MORN5: variants seen among roughly 807,000 people sequenced by gnomAD.
MORN5 encodes the protein MORN repeat-containing protein 5.
MORN5 carries 21 observed loss-of-function variants against 22.1 expected under a neutral mutation model. The observed-to-expected ratio is 0.95, with a 90% CI of 0.67 to 1.37. The LOEUF (loss-of-function observed/expected upper bound fraction) is 1.37. Ranked by LOEUF, MORN5 falls within the 40% of genes most tolerant of loss-of-function variation. The pLI is 0.00. For synonymous variants in MORN5, 73 were observed against 74.0 expected, an observed-to-expected ratio of 0.99 and a Z score of 0.07; for missense variants, 211 against 215.1, an observed-to-expected ratio of 0.98 and a Z score of 0.12.
At chr9:122,175,911 G>A (rs1204935989) in intron 4 of MORN5, among the ~76,000 whole-genome samples, 1 of 152,156 alleles carries the variant, frequency 6.6e-6, no homozygotes, top group African/African-American at 2.4e-5. Flanking sequence ...TCAGGAGATC[G>A]AGACCATCCT....
intron 2 of MORN5, 114 bp downstream of exon 2, chr9:122,167,029 C>A: frequency 2.2e-6 from 2 of 919,656 alleles, no homozygotes; most frequent in Non-Finnish European, 3.1e-6. Flanking sequence ...ATTCACTCTT[C>A]TCTTTGCTTC....
chr9:122,191,349 G>C (rs1829760721), intron 4 of MORN5, among the ~76,000 whole-genome samples: 1 of 152,210 alleles, frequency 6.6e-6, no homozygotes. Context: ...CACACTCGCA[G>C]CTTCACTGAG....
At chr9:122,184,006 G>T (rs1408212723) in intron 4 of MORN5, among the ~76,000 whole-genome samples, 1 of 152,198 alleles carries the variant, frequency 6.6e-6, no homozygotes, top group Non-Finnish European at 1.5e-5. Context: ...GGTCTGAAAA[G>T]TAACCTGGCT....
At chr9:122,177,062 A>AC (rs933999287) in intron 4 of MORN5, among the ~76,000 whole-genome samples, 3 of 152,100 alleles carry the variant, frequency 2.0e-5, no homozygotes, top group African/African-American at 4.8e-5. Context: ...CAACAGAGGG[A>AC]CCCCCCAGGA....
At chr9:122,188,083 G>A (rs1196228441) in intron 4 of MORN5, among the ~76,000 whole-genome samples, 1 of 152,210 alleles carries the variant, frequency 6.6e-6, no homozygotes, top group Non-Finnish European at 1.5e-5. Flanking sequence ...TGATTATGGA[G>A]GAGTAGGTCT....
At chr9:122,169,604 T>A (rs1272133049) in intron 2 of MORN5, 41 bp from the exon 3 acceptor site, 2 of 1,465,904 alleles carry the variant, frequency 1.4e-6, no homozygotes, top group Non-Finnish European at 1.9e-6. Context: ...CCAAAAGCCT[T>A]CAGCTTCCTC....
chr9:122,186,148 G>A (rs1458202329), intron 4 of MORN5, among the ~76,000 whole-genome samples: 3 of 152,228 alleles, frequency 2.0e-5, no homozygotes, highest in Non-Finnish European at 2.9e-5. Context: ...AGCAAAAGGG[G>A]TAGGAAAGAA....
chr9:122,190,699 G>A (rs987457467), intron 4 of MORN5, among the ~76,000 whole-genome samples: 7 of 152,226 alleles, frequency 4.6e-5, no homozygotes, highest in African/African-American at 1.2e-4. Context: ...CCACCTCCCC[G>A]CCCTGTGGCA....
chr9:122,180,751 C>T (rs10985560), intron 4 of MORN5, among the ~76,000 whole-genome samples: 51,847 of 152,050 alleles, frequency 0.34, 10,496 homozygotes, highest in Non-Finnish European at 0.46. Context: ...CTGGGTTGGG[C>T]GTCCCTCCTC....
At position 122,174,632 on chromosome 9, in the gene MORN5, G is replaced by A. The variant is rs372270218; in HGVS notation, c.439+5G>A. 3.1e-6 allele frequency: 5 copies of A among 1,613,940 alleles called. No homozygotes were observed. Among genetic ancestry groups the A allele is most frequent in the Non-Finnish European group, 3.4e-6 (4 of 1,179,986 alleles). Reference sequence around the variant, plus strand: ...ACCGCTTTCTAAGAAACGCAGGTAGGTTTCTTCCGACACTGCAGCACGTTT... The same window carrying A: ...ACCGCTTTCTAAGAAACGCAGGTAGATTTCTTCCGACACTGCAGCACGTTT... On this transcript the variant is annotated splice_donor_5th_base_variant and intron_variant, in intron 4 of 4. Coordinates refer to ENST00000373764, the MANE Select transcript of MORN5 (RefSeq NM_198469.4).
At chr9:122,194,399 G>A (rs1342356104) in intron 4 of MORN5, among the ~76,000 whole-genome samples, 17 of 152,294 alleles carry the variant, frequency 1.1e-4, no homozygotes, top group African/African-American at 3.1e-4. Context: ...CAACATGCAC[G>A]TAAACAAATA....
chr9:122,182,032 T>C (rs1251852578), intron 4 of MORN5, among the ~76,000 whole-genome samples: 1 of 152,210 alleles, frequency 6.6e-6, no homozygotes, highest in East Asian at 1.9e-4. Flanking sequence ...GCTGTCTTTC[T>C]GCCTCCTCAA....
At chr9:122,192,244 C>A (rs770888894) in intron 4 of MORN5, among the ~76,000 whole-genome samples, 3 of 152,208 alleles carry the variant, frequency 2.0e-5, no homozygotes, top group Non-Finnish European at 4.4e-5. Flanking sequence ...TAACTTCTGG[C>A]GTTTCTTTTG....
At chr9:122,188,786 C>G (rs1010480118) in intron 4 of MORN5, among the ~76,000 whole-genome samples, 6 of 152,272 alleles carry the variant, frequency 3.9e-5, no homozygotes, top group Admixed American at 3.9e-4. Flanking sequence ...TGCATCCCCT[C>G]TCCATTCAGC....
At chr9:122,160,114 C>G (rs1277258429) in intron 1 of MORN5, 95 bp downstream of exon 1, 2 of 1,124,928 alleles carry the variant, frequency 1.8e-6, no homozygotes, top group South Asian at 3.0e-5. Flanking sequence ...GTGCCAGGCA[C>G]TTTCACAAAC....
chr9:122,178,324 A>G (rs1829484767), intron 4 of MORN5, among the ~76,000 whole-genome samples: 1 of 152,176 alleles, frequency 6.6e-6, no homozygotes, highest in Admixed American at 6.5e-5. Flanking sequence ...CCCCATCTCT[A>G]CTAAAAATAC....
At chr9:122,169,823 G>A in intron 3 of MORN5, 67 bp downstream of exon 3, 1 of 1,075,350 alleles carries the variant, frequency 9.3e-7, no homozygotes, top group Non-Finnish European at 1.5e-6. Flanking sequence ...TTTCGGATAA[G>A]TGGACTGTGT....
intron 1 of MORN5, among the ~76,000 whole-genome samples, chr9:122,162,472 G>C (rs1408246657): frequency 6.6e-6 from 1 of 152,094 alleles, no homozygotes; most frequent in East Asian, 1.9e-4. Flanking sequence ...CCACTTATAG[G>C]TATTTACCCC....
intron 4 of MORN5, among the ~76,000 whole-genome samples, chr9:122,187,664 T>C (rs1001947727): frequency 1.3e-5 from 2 of 152,106 alleles, no homozygotes. Flanking sequence ...CCTCGAAATA[T>C]AGCTTAGGAA....
Sources: gnomAD v4.1 joint callset for allele counts (sites outside exome capture counted in the v4.1 genomes callset) on GRCh38, gnomAD v4.1.1 for gene constraint, MANE v1.5 for transcripts, NCBI Gene and HGNC (gene_info 2026-07-23, HGNC 2026-07-21) for gene names.